RANBP9: variants seen among roughly 807,000 people sequenced by gnomAD.
The protein encoded by RANBP9 is RAN binding protein 9.
In RANBP9, 15 loss-of-function variants were observed where a neutral mutation model predicts 84.3. The ratio of observed to expected loss-of-function variants is 0.18; its 90% CI spans 0.12 to 0.27. The LOEUF (loss-of-function observed/expected upper bound fraction) is 0.27. Ranked by LOEUF, RANBP9 falls within the 10% of genes least tolerant of loss-of-function variation. The pLI is 1.00. For missense variants in RANBP9, 809 were observed against 912.8 expected, an observed-to-expected ratio of 0.89 and a Z score of 1.46; for synonymous variants, 392 against 349.6, an observed-to-expected ratio of 1.12 and a Z score of -1.35.
At chr6:13,638,194 TC>T (rs779583120) in intron 9 of RANBP9, among the ~76,000 whole-genome samples, 3 of 152,002 alleles carry the variant, frequency 2.0e-5, no homozygotes, top group Non-Finnish European at 4.4e-5. Flanking sequence ...ATCCTCAAAA[TC>T]CCCCTAAAAT....
Position 13,625,700 on chromosome 6 carries a change from G to A in RANBP9, c.2012C>T (p.Pro671Leu), listed in dbSNP as rs372642992. Residue 671 changes from proline to leucine, a missense_variant, in exon 13 of 14, where the codon CCG (proline) becomes CTG (leucine). By Grantham distance (98) the Pro-to-Leu change is moderately conservative (BLOSUM62 -3). Around this residue, in one of 5 missense-constraint regions of RANBP9, gnomAD observed 233 missense variants for 234.4 expected, o/e 0.99. Coordinates refer to ENST00000011619, the MANE Select transcript of RANBP9 (RefSeq NM_005493.3). Reference sequence around the variant, plus strand: ...TGAGCACACAGGTTCTCTCTGAATCGGGTCAAGCTGATTTCCAACTGGGCT... The same window carrying A: ...TGAGCACACAGGTTCTCTCTGAATCAGGTCAAGCTGATTTCCAACTGGGCT... Reference protein sequence around the residue: ...WNSPVGNQLDPIQREPVCSAL... With the variant: ...WNSPVGNQLDLIQREPVCSAL... 3 of 1,613,072 alleles carry A rather than the reference G, an allele frequency of 1.9e-6. No individual in the cohort carries two copies. The highest frequency in any genetic ancestry group is 1.7e-6 in the Non-Finnish European group (2 of 1,179,244).
intron 5 of RANBP9, among the ~76,000 whole-genome samples, chr6:13,648,621 A>T (rs1268756983): frequency 6.6e-6 from 1 of 152,252 alleles, no homozygotes; most frequent in African/African-American, 2.4e-5. Flanking sequence ...TGCAAAACAT[A>T]CTTTCAATCT....
At chr6:13,696,019 A>G (rs988331506) in intron 2 of RANBP9, among the ~76,000 whole-genome samples, 1 of 151,232 alleles carries the variant, frequency 6.6e-6, no homozygotes, top group Non-Finnish European at 1.5e-5. Flanking sequence ...GATATGCAAT[A>G]AAGTTATCAG....
intron 2 of RANBP9, among the ~76,000 whole-genome samples, chr6:13,667,521 C>A (rs1400426601): frequency 1.3e-5 from 2 of 152,166 alleles, no homozygotes; most frequent in Non-Finnish European, 2.9e-5. Context: ...CAACAACAGA[C>A]CGCATGTACA....
At chr6:13,651,612 G>T (rs1260605692) in intron 5 of RANBP9, among the ~76,000 whole-genome samples, 1 of 151,790 alleles carries the variant, frequency 6.6e-6, no homozygotes, top group Non-Finnish European at 1.5e-5. Context: ...GTGTTGGCCA[G>T]GATGGTCTCG....
chr6:13,710,909 C>A, intron 1 of RANBP9, 26 bp downstream of exon 1: 3 of 1,577,060 alleles, frequency 1.9e-6, no homozygotes, highest in Non-Finnish European at 2.6e-6. Flanking sequence ...GTGCCCCACT[C>A]CCACCGCAGG....
At chr6:13,687,761 G>T (rs568942523) in intron 2 of RANBP9, among the ~76,000 whole-genome samples, 1 of 152,240 alleles carries the variant, frequency 6.6e-6, no homozygotes, top group African/African-American at 2.4e-5. Flanking sequence ...TAACCCAACT[G>T]ATCTCTAGAA....
intron 9 of RANBP9, among the ~76,000 whole-genome samples, chr6:13,639,304 G>A (rs1001695771): frequency 1.3e-5 from 2 of 152,038 alleles, no homozygotes; most frequent in African/African-American, 2.4e-5. Flanking sequence ...TCAGCCTCCC[G>A]AGTAGCTGGG....
chr6:13,690,282 G>C lies in RANBP9; in HGVS notation c.683+6503C>G, dbSNP rs1331552883. On this transcript the variant is annotated intron_variant, in intron 2 of 13. Transcript: ENST00000011619. The stretch of plus-strand genomic sequence containing the variant: ...CTGCTGACGATGTGCTATATCATAG[G>C]TGTTCAACATATATTTGTTAAATAA... 3.3e-5 allele frequency among the ~76,000 whole-genome samples: 5 copies of C among 152,086 alleles called. No individual in the cohort carries two copies. The East Asian group carries it at 9.6e-4, about 29-fold the overall frequency.
At chr6:13,634,938 T>C (rs1764899146) in intron 10 of RANBP9, among the ~76,000 whole-genome samples, 1 of 152,100 alleles carries the variant, frequency 6.6e-6, no homozygotes, top group Non-Finnish European at 1.5e-5. Context: ...CCAGCACTGA[T>C]TTCTAGTATG....
In RANBP9 at chr6:13,621,671, A is replaced by G. The variant is rs1764449987; in HGVS notation, c.*691T>C. 6.6e-6 allele frequency: 1 copy of G among 152,656 alleles called. No individual in the cohort carries two copies. Among genetic ancestry groups the G allele is most frequent in the African/African-American group, 2.4e-5 (1 of 41,466 alleles). 9.5% of individuals were successfully genotyped at this position (152,656 alleles called of 1,614,324 possible). A position where few individuals can be genotyped will look rare whatever the true frequency, so the allele number is the denominator to read the frequency against. On this transcript the variant is annotated 3_prime_UTR_variant, in exon 14 of 14. Coordinates refer to ENST00000011619, the MANE Select transcript of RANBP9 (RefSeq NM_005493.3). ...TAAAGGTCATAACCACACCGTTGACATGTAATACTGTTATAATACAACAGT... is the reference window on the plus strand; with the variant it reads ...TAAAGGTCATAACCACACCGTTGACGTGTAATACTGTTATAATACAACAGT...
intron 5 of RANBP9, among the ~76,000 whole-genome samples, chr6:13,651,303 C>T (rs1584923724): frequency 6.6e-6 from 1 of 152,176 alleles, no homozygotes; most frequent in East Asian, 1.9e-4. Context: ...GTTACTGTAA[C>T]CCCTTGCTTG....
chr6:13,659,257 T>TACATACAC (rs759705290), intron 2 of RANBP9, among the ~76,000 whole-genome samples: 12 of 130,558 alleles, frequency 9.2e-5, no homozygotes, highest in African/African-American at 3.4e-4. Flanking sequence ...CACACACACA[T>TACATACAC]ACACACACAC....
chr6:13,646,323 C>T (rs553122597), intron 5 of RANBP9, among the ~76,000 whole-genome samples: 26 of 152,278 alleles, frequency 1.7e-4, no homozygotes, highest in African/African-American at 6.0e-4. Flanking sequence ...GAAGGATAAT[C>T]GCTTGAACCG....
chr6:13,655,749 G>A (rs980262277), intron 4 of RANBP9, among the ~76,000 whole-genome samples: 1 of 152,130 alleles, frequency 6.6e-6, no homozygotes, highest in Non-Finnish European at 1.5e-5. Flanking sequence ...TGAGCCAAAG[G>A]TCACACCTAA....
At chr6:13,656,763 T>C (rs1387984020) in intron 4 of RANBP9, among the ~76,000 whole-genome samples, 4 of 152,174 alleles carry the variant, frequency 2.6e-5, no homozygotes, top group African/African-American at 4.8e-5. Flanking sequence ...ACTGCCCCTT[T>C]TTCTTAGCAC....
intron 1 of RANBP9, among the ~76,000 whole-genome samples, chr6:13,705,925 A>G (rs1266977765): frequency 6.6e-6 from 1 of 151,864 alleles, no homozygotes; most frequent in East Asian, 1.9e-4. Context: ...CTTAACAGAC[A>G]TTTGCACTTG....
intron 2 of RANBP9, among the ~76,000 whole-genome samples, chr6:13,694,018 G>A (rs902833502): frequency 6.6e-6 from 1 of 152,104 alleles, no homozygotes; most frequent in Admixed American, 6.6e-5. Context: ...ACTCCAGCCT[G>A]GGTGACAGAG....
At position 13,634,566 on chromosome 6, in the gene RANBP9, A is replaced by T; in HGVS notation, c.1674-14T>A. ...TCTACATCATTACTGAAAACGAAAA[A>T]ACAAACCTAATTTTAGAAATATCAT... On this transcript the variant is annotated splice_polypyrimidine_tract_variant and intron_variant, in intron 10 of 13. Transcript: ENST00000011619. 1.3e-6 allele frequency: 2 copies of T among 1,587,730 alleles called. No individual in the cohort carries two copies. Among genetic ancestry groups the T allele is most frequent in the Non-Finnish European group, 1.7e-6 (2 of 1,162,356 alleles).
Sources: gnomAD v4.1 joint callset for allele counts (sites outside exome capture counted in the v4.1 genomes callset) on GRCh38, gnomAD v4.1.1 for gene constraint, gnomAD v4.1.1 regional missense constraint, MANE v1.5 for transcripts, NCBI Gene and HGNC (gene_info 2026-07-23, HGNC 2026-07-21) for gene names.